The following ARHGAP45 variants were observed in gnomAD, a reference collection of about 807,000 sequenced individuals.
The protein encoded by ARHGAP45 is Rho GTPase activating protein 45.
ARHGAP45 carries 56 observed loss-of-function variants against 116.1 expected under a neutral mutation model. That is an observed-to-expected ratio of 0.48 (90% CI 0.39 to 0.60). The LOEUF is 0.60. Among genes scored for constraint, ARHGAP45 ranks in the 20% least tolerant of loss-of-function variants. The pLI is 0.00. For synonymous variants in ARHGAP45, 866 were observed against 701.7 expected (o/e 1.23, Z -3.70); for missense variants, 1,622 against 1,601.0 (o/e 1.01, Z -0.22).
At chr19:1,077,486 C>G in intron 10 of ARHGAP45, 1 of 996,040 alleles carries the variant, frequency 1.0e-6, no homozygotes, top group Non-Finnish European at 1.3e-6. Context: ...AAGCTGTTCG[C>G]GATTCTAGTG....
Position 1,084,269 on chromosome 19 carries a change from T to G in ARHGAP45, c.2987T>G (p.Val996Gly). The G allele has an allele frequency of 6.2e-7, 1 of 1,613,406 alleles. No individual in the cohort carries two copies. Among genetic ancestry groups the G allele is most frequent in the Non-Finnish European group, 8.5e-7 (1 of 1,179,852 alleles). The change falls in exon 22 of 23, where the codon GTC (valine) becomes GGC (glycine). Residue 996 changes from valine (V) to glycine (G), a missense_variant. Around this residue, in one of 3 missense-constraint regions of ARHGAP45, gnomAD observed 1,334 missense variants for 1,263.8 expected, o/e 1.06. Coordinates refer to ENST00000313093, the MANE Select transcript of ARHGAP45 (RefSeq NM_012292.5). The stretch of plus-strand genomic sequence containing the variant: ...TCATCCAACCAGCGAGCTGAGGTAG[T>G]CGTCCAGGTGCCGTACCTGGAGGCG... ...DESSNQRAEV[V>G]VQVPYLEAGE...
In ARHGAP45 at chr19:1,077,545, G is replaced by A. The variant is rs1044000999; in HGVS notation, c.1186-312G>A. ...ATTACAAGCGTGCACCACAATGCCC[G>A]GCTAATTGTTTTAAATTTTGGGTAG... is the stretch of plus-strand genomic sequence containing the variant. On this transcript the variant is annotated intron_variant, in intron 10 of 22. Transcript: ENST00000313093. The A allele has an allele frequency of 3.3e-5, 36 of 1,097,134 alleles. No individual in the cohort carries two copies. The African/African-American group carries it at 3.8e-4, about 12-fold the overall frequency. The allele number at this position is 1,097,134 out of a possible 1,614,324, so 68.0% of individuals were successfully genotyped here. A position where few individuals can be genotyped will look rare whatever the true frequency, so the allele number is the denominator to read the frequency against.
In ARHGAP45 at chr19:1,069,533, T is replaced by C. The variant is rs1278432131; in HGVS notation, c.421+789T>C. On this transcript the variant is annotated intron_variant, in intron 2 of 22. Transcript: ENST00000313093. This position sits in a 1 kb window ranked among gnomAD's most constrained non-coding sequence, Gnocchi z 4.1. ...AAGTCTCTAGTGAGGCCCTGACCCC[T>C]GGCTCACCCAGCCAGGGCAGGGCAG... Among the ~76,000 whole-genome samples the C allele has an allele frequency of 6.6e-6, 1 of 151,278 alleles. No individual in the cohort carries two copies. The highest frequency in any genetic ancestry group is 1.5e-5 in the Non-Finnish European group (1 of 68,032).
At position 1,069,013 on chromosome 19, in the gene ARHGAP45, C is replaced by A. The variant is rs1599749119; in HGVS notation, c.421+269C>A. 6.6e-6 allele frequency among the ~76,000 whole-genome samples: 1 copy of A among 151,960 alleles called. No individual in the cohort carries two copies. The highest frequency in any genetic ancestry group is 1.5e-5 in the Non-Finnish European group (1 of 68,006). ...TAGGAGGGAAAGGCAGAGGAAATGT[C>A]CCATGCACAGGCTCAGAAACACGGA... On this transcript the variant is annotated intron_variant, in intron 2 of 22. Coordinates refer to ENST00000313093, the MANE Select transcript of ARHGAP45 (RefSeq NM_012292.5). The surrounding 1 kb of genome is among the most constrained non-coding windows in gnomAD (Gnocchi z 4.1).
At position 1,082,874 on chromosome 19, in the gene ARHGAP45, A is replaced by C; in HGVS notation, c.2552A>C (p.His851Pro). The change falls in exon 20 of 23, where the codon CAC (histidine) becomes CCC (proline). Residue 851 changes from histidine to proline, a missense_variant. Physicochemically the swap from His to Pro is moderately conservative, Grantham distance 77. Transcript: ENST00000313093. ...PEPLISFRLYHELVGLAKDSL... is the reference protein window; with the variant it reads ...PEPLISFRLYPELVGLAKDSL... ...CCGCTCATCTCCTTCCGCCTCTACC[A>C]CGAGCTCGTAGGGCTGGCCAAGGAC... 1 of 1,569,248 alleles carries C rather than the reference A, an allele frequency of 6.4e-7. No individual in the cohort carries two copies. Among genetic ancestry groups the C allele is most frequent in the Non-Finnish European group, 8.6e-7 (1 of 1,157,542 alleles).
intron 2 of ARHGAP45, among the ~76,000 whole-genome samples, chr19:1,072,318 A>C (rs1434827129): frequency 6.6e-6 from 1 of 152,050 alleles, no homozygotes; most frequent in African/African-American, 2.4e-5. Context: ...CCTCGGCCTC[A>C]CCAAGTGCTG....
rs2145020750 is a variant in ARHGAP45, at chr19:1,071,912, C to G, written c.422-1237C>G. The G allele has an allele frequency of 6.6e-6, 1 of 152,458 alleles. No homozygotes were observed. The highest frequency in any genetic ancestry group is 1.9e-4 in the East Asian group (1 of 5,192). The allele number at this position is 152,458 out of a possible 1,614,324, so 9.4% of individuals were successfully genotyped here. On this transcript the variant is annotated intron_variant, in intron 2 of 22. Transcript: ENST00000313093. This position sits in a 1 kb window ranked among gnomAD's most constrained non-coding sequence, Gnocchi z 4.6. ...TCAAAGCTGCCCCTCCCGCTGGCCT[C>G]TGTCCTCCCGGGTACCTTTCCCCTC...
chr19:1,067,698 C>A (rs752014025), intron 1 of ARHGAP45: 4 of 705,900 alleles, frequency 5.7e-6, no homozygotes, highest in Admixed American at 4.0e-5. Flanking sequence ...GAGTGGTGGC[C>A]GCCTCCCTCC....
rs1377359267 is a variant in ARHGAP45, at chr19:1,073,494, T to C, written c.566-12T>C. Reference sequence around the variant, plus strand: ...GTGGGCCCACCTCCTTGTCCTTATCTCTGCTTCCCAGCCTTCCATTATGAG... The same window carrying C: ...GTGGGCCCACCTCCTTGTCCTTATCCCTGCTTCCCAGCCTTCCATTATGAG... On this transcript the variant is annotated splice_polypyrimidine_tract_variant and intron_variant, in intron 3 of 22. Transcript: ENST00000313093. 2.5e-6 allele frequency: 4 copies of C among 1,613,402 alleles called. No homozygotes were observed. The South Asian group carries it at 3.3e-5, about 13-fold the overall frequency.
At position 1,080,258 on chromosome 19, in the gene ARHGAP45, C is replaced by T. The variant is rs1409265545; in HGVS notation, c.1707C>T (p.Ser569=). 9 of 1,612,648 alleles carry T rather than the reference C, an allele frequency of 5.6e-6. No homozygotes were observed. The highest frequency in any genetic ancestry group is 7.6e-6 in the Non-Finnish European group (9 of 1,179,846). The change falls in exon 14 of 23, where the codon TCC becomes TCT. Residue 569 remains serine (S), a synonymous_variant. Coordinates refer to ENST00000313093, the MANE Select transcript of ARHGAP45 (RefSeq NM_012292.5). Reference sequence around the variant, plus strand: ...TTTTCCCGGTTTCTTCCACTAGGTCCCCCGTCATGCGTGCCCGGAAGAGCA... The same window carrying T: ...TTTTCCCGGTTTCTTCCACTAGGTCTCCCGTCATGCGTGCCCGGAAGAGCA... ...FEPHVSANAW[S]PVMRARKSSF...
At chr19:1,077,031 C>G (rs2043266104) in intron 10 of ARHGAP45, 1 of 985,274 alleles carries the variant, frequency 1.0e-6, no homozygotes, top group Non-Finnish European at 1.2e-6. Context: ...GCCTGGCGGT[C>G]TCCTAGTAAT....
In ARHGAP45 at chr19:1,071,508, G is replaced by A; in HGVS notation, c.422-1641G>A. 5.6e-6 allele frequency: 3 copies of A among 537,886 alleles called. No homozygotes were observed. The highest frequency in any genetic ancestry group is 7.2e-6 in the Non-Finnish European group (3 of 417,392). The allele number at this position is 537,886 out of a possible 1,614,324, so 33.3% of individuals were successfully genotyped here. ...GGCATCCCTGCGCTGCGCAGGGGTC[G>A]CGCCGGCCGCCGGCTTCCCGGGTAG... is the stretch of plus-strand genomic sequence containing the variant. On this transcript the variant is annotated intron_variant, in intron 2 of 22. Coordinates refer to ENST00000313093, the MANE Select transcript of ARHGAP45 (RefSeq NM_012292.5). The surrounding 1 kb of genome is among the most constrained non-coding windows in gnomAD (Gnocchi z 4.6).
At chr19:1,082,794 G>T in intron 19 of ARHGAP45, 46 bp from the exon 20 acceptor site, 1 of 1,430,852 alleles carries the variant, frequency 7.0e-7, no homozygotes, top group Non-Finnish European at 9.2e-7. Context: ...ACACGTGGGG[G>T]CTGGGCCAGG....
At chr19:1,075,980 A>G (rs757232) in intron 10 of ARHGAP45, among the ~76,000 whole-genome samples, 120,042 of 152,078 alleles carry the variant, frequency 0.79, 47,996 homozygotes, top group African/African-American at 0.91. Context: ...CCTCACCTCC[A>G]TATAGAGAGG....
rs1568479923 is a variant in ARHGAP45, at chr19:1,081,977, GGTGGCCAGGCAGAGCCTGGAAGGGGC to G, written c.2517+19_2517+44del. 1 of 1,606,150 alleles carries G rather than the reference GGTGGCCAGGCAGAGCCTGGAAGGGGC, an allele frequency of 6.2e-7. No homozygotes were observed. On this transcript the variant is annotated intron_variant, in intron 19 of 22. Transcript: ENST00000313093. Reference sequence around the variant, plus strand: ...CCTGCGTCAGGTGAGACCCACCGGTGGTGGCCAGGCAGAGCCTGGAAGGGGCGTAGCCAGGCAGGAGGAGGCGGGGT... The same window carrying G: ...CCTGCGTCAGGTGAGACCCACCGGTGGTAGCCAGGCAGGAGGAGGCGGGGT...
At chr19:1,085,567 CTG>C in intron 22 of ARHGAP45, 91 bp from the exon 23 acceptor site, 1 of 939,944 alleles carries the variant, frequency 1.1e-6, no homozygotes, top group Non-Finnish European at 1.6e-6. Context: ...CCCCCCTCTC[CTG>C]TCTCTCCCCA....
Position 1,073,369 on chromosome 19 carries a change from T to C in ARHGAP45, c.565+77T>C, listed in dbSNP as rs144864135. The C allele has an allele frequency of 6.3e-4, 994 of 1,587,360 alleles. 6 individuals are homozygous for C. The African/African-American group carries it at 0.012, about 20-fold the overall frequency. ...TGGAGGAGGGGATGTTTGAAGTGGG[T>C]TTTGAAGGATGCATAGGAGTTTGAC... On this transcript the variant is annotated intron_variant, in intron 3 of 22. Transcript: ENST00000313093.
intron 2 of ARHGAP45, among the ~76,000 whole-genome samples, chr19:1,070,491 C>T (rs2043120291): frequency 6.8e-6 from 1 of 145,996 alleles, no homozygotes; most frequent in African/African-American, 2.6e-5. Flanking sequence ...CCACCGTGCC[C>T]GGCTAATTTT....
At position 1,071,182 on chromosome 19, in the gene ARHGAP45, G is replaced by T; in HGVS notation, c.422-1967G>T. 7.4e-7 allele frequency: 1 copy of T among 1,351,750 alleles called. No homozygotes were observed. Among genetic ancestry groups the T allele is most frequent in the East Asian group, 3.6e-5 (1 of 28,064 alleles). The allele number at this position is 1,351,750 out of a possible 1,614,324, so 83.7% of individuals were successfully genotyped here. ...CCCCAGGGCGGGGTTTCCCTCGCGG[G>T]GGCGGGGCCTCCTGACCGGCCGGAG... On this transcript the variant is annotated intron_variant, in intron 2 of 22. Coordinates refer to ENST00000313093, the MANE Select transcript of ARHGAP45 (RefSeq NM_012292.5). This position sits in a 1 kb window ranked among gnomAD's most constrained non-coding sequence, Gnocchi z 4.6.
Sources: allele counts gnomAD v4.1 joint callset (sites outside exome capture counted in the v4.1 genomes callset), GRCh38; gene constraint gnomAD v4.1.1; regional missense constraint gnomAD v4.1.1; non-coding constraint Gnocchi (gnomAD v3.1); transcripts MANE v1.5; gene names NCBI Gene and HGNC (gene_info 2026-07-23, HGNC 2026-07-21).